The following PITPNC1 variants were observed in gnomAD, a reference collection of about 807,000 sequenced individuals.
PITPNC1 encodes the protein phosphatidylinositol transfer protein cytoplasmic 1.
In PITPNC1, 18 loss-of-function variants were observed where a neutral mutation model predicts 44.7. The observed-to-expected ratio is 0.40, with a 90% confidence interval of 0.28 to 0.60. PITPNC1 has a LOEUF of 0.60. Among genes scored for constraint, PITPNC1 ranks in the 20% least tolerant of loss-of-function variants. The pLI, the probability that PITPNC1 is intolerant of heterozygous loss-of-function variation, is 0.39. For synonymous variants in PITPNC1, 141 were observed against 149.6 expected (o/e 0.94, Z 0.42); for missense variants, 290 against 418.4 (o/e 0.69, Z 2.68).
At chr17:67,510,642 A>T (rs2040173586) in intron 1 of PITPNC1, among the ~76,000 whole-genome samples, 1 of 152,124 alleles carries the variant, frequency 6.6e-6, no homozygotes. Context: ...TCTATCACTC[A>T]GGCTGGAGTG....
chr17:67,429,432 G>C (rs2038822500), intron 1 of PITPNC1, among the ~76,000 whole-genome samples: 1 of 151,072 alleles, frequency 6.6e-6, no homozygotes, highest in South Asian at 2.1e-4. Flanking sequence ...GGGCGCAGTG[G>C]CTCATACCCG....
chr17:67,515,180 A>G (rs972907016), intron 1 of PITPNC1, among the ~76,000 whole-genome samples: 19 of 152,184 alleles, frequency 1.2e-4, no homozygotes, highest in Admixed American at 9.8e-4. Context: ...TAGATTTACA[A>G]TATGTCAGTA....
At chr17:67,498,575 T>C (rs1200491995) in intron 1 of PITPNC1, among the ~76,000 whole-genome samples, 1 of 152,256 alleles carries the variant, frequency 6.6e-6, no homozygotes, top group Non-Finnish European at 1.5e-5. Flanking sequence ...GTGGTATTGC[T>C]GGATCATGTG....
intron 6 of PITPNC1, among the ~76,000 whole-genome samples, chr17:67,645,592 A>G (rs1002131619): frequency 3.3e-5 from 5 of 151,982 alleles, no homozygotes; most frequent in Admixed American, 2.6e-4. Context: ...GGAGGGATGC[A>G]GGGGGGTTAG....
At chr17:67,476,188 C>CTTTTTTT (rs10633927) in intron 1 of PITPNC1, among the ~76,000 whole-genome samples, 1 of 137,710 alleles carries the variant, frequency 7.3e-6, no homozygotes, top group Non-Finnish European at 1.6e-5. Context: ...TCTTTCTTTT[C>CTTTTTTT]TTTTTTTTTT....
rs1483767783 is a variant in PITPNC1, at chr17:67,578,258, G to A, written c.366+1G>A. ...GGACAACAAAGGAAGCAATGACACC[G>A]TGAGTAGCCCCTCCTTCCATGCTGC... On this transcript the variant is annotated splice_donor_variant, in intron 5 of 8. Coordinates refer to ENST00000581322, the MANE Select transcript of PITPNC1 (RefSeq NM_012417.4). LOFTEE classifies it high-confidence loss of function. 9 of 1,601,458 alleles carry A rather than the reference G, an allele frequency of 5.6e-6. No individual in the cohort carries two copies. The highest frequency in any genetic ancestry group is 6.0e-6 in the Non-Finnish European group (7 of 1,169,818).
At chr17:67,651,462 G>T (rs191405282) in intron 6 of PITPNC1, among the ~76,000 whole-genome samples, 1 of 151,928 alleles carries the variant, frequency 6.6e-6, no homozygotes, top group African/African-American at 2.4e-5. Context: ...GCAGTGAGCC[G>T]AGATTGCACC....
chr17:67,690,757 C>A (rs1034035902), intron 8 of PITPNC1, among the ~76,000 whole-genome samples: 1 of 151,990 alleles, frequency 6.6e-6, no homozygotes, highest in East Asian at 1.9e-4. Context: ...CTGTTCCCAG[C>A]AAGTAAAAAT....
intron 1 of PITPNC1, among the ~76,000 whole-genome samples, chr17:67,425,343 G>C (rs1209416765): frequency 6.6e-6 from 1 of 151,204 alleles, no homozygotes; most frequent in Non-Finnish European, 1.5e-5. Flanking sequence ...CTCAGAAATG[G>C]TCACAGCTTA....
At chr17:67,419,636 T>G (rs1033697733) in intron 1 of PITPNC1, among the ~76,000 whole-genome samples, 1 of 152,206 alleles carries the variant, frequency 6.6e-6, no homozygotes, top group Admixed American at 6.6e-5. Flanking sequence ...CCAGGCGCAG[T>G]GGCTCAAGCG....
At chr17:67,379,519 G>A in intron 1 of PITPNC1, 1 of 290,798 alleles carries the variant, frequency 3.4e-6, no homozygotes, top group Non-Finnish European at 5.1e-6. Flanking sequence ...GAGTTTTGGA[G>A]TTCGTTGGCA....
chr17:67,528,244 G>A (rs2040415981), intron 1 of PITPNC1, among the ~76,000 whole-genome samples: 1 of 152,172 alleles, frequency 6.6e-6, no homozygotes, highest in Non-Finnish European at 1.5e-5. Context: ...GTTTTGCCAT[G>A]TTGGCCAGGC....
chr17:67,444,919 A>G (rs556845034), intron 1 of PITPNC1, among the ~76,000 whole-genome samples: 4 of 152,136 alleles, frequency 2.6e-5, no homozygotes, highest in East Asian at 1.9e-4. Context: ...GGCAAGGTAT[A>G]TAAGTGTATT....
intron 1 of PITPNC1, among the ~76,000 whole-genome samples, chr17:67,388,651 G>A (rs2143794800): frequency 6.6e-6 from 1 of 150,856 alleles, no homozygotes; most frequent in South Asian, 2.1e-4. Context: ...ACATAGTCTT[G>A]CTCTGTCACC....
intron 1 of PITPNC1, among the ~76,000 whole-genome samples, chr17:67,490,953 G>A (rs1412766323): frequency 2.0e-5 from 3 of 152,206 alleles, no homozygotes; most frequent in South Asian, 2.1e-4. Flanking sequence ...GAATGGCTGA[G>A]GTTTTGTTTT....
chr17:67,509,856 G>A (rs527917222), intron 1 of PITPNC1, among the ~76,000 whole-genome samples: 59 of 152,198 alleles, frequency 3.9e-4, no homozygotes, highest in African/African-American at 1.4e-3. Flanking sequence ...GGGTCAATTC[G>A]TCTTCTCTGA....
intron 5 of PITPNC1, among the ~76,000 whole-genome samples, chr17:67,595,396 C>T (rs754579257): frequency 9.9e-5 from 15 of 151,866 alleles, no homozygotes; most frequent in Non-Finnish European, 1.8e-4. Context: ...ACTAAAAATC[C>T]CTGGATGCCA....
intron 1 of PITPNC1, among the ~76,000 whole-genome samples, chr17:67,425,385 G>C (rs753706282): frequency 6.6e-6 from 1 of 151,698 alleles, no homozygotes; most frequent in Non-Finnish European, 1.5e-5. Flanking sequence ...ATGGGCAAGG[G>C]TTGACAAACT....
chr17:67,383,991 C>G (rs1391689334), intron 1 of PITPNC1, among the ~76,000 whole-genome samples: 1 of 152,062 alleles, frequency 6.6e-6, no homozygotes, highest in Non-Finnish European at 1.5e-5. Flanking sequence ...GAGCTGAGAT[C>G]GCACCATCGC....
Sources: allele counts gnomAD v4.1 joint callset (sites outside exome capture counted in the v4.1 genomes callset), GRCh38; gene constraint gnomAD v4.1.1; transcripts MANE v1.5; gene names NCBI Gene and HGNC (gene_info 2026-07-23, HGNC 2026-07-21).